ASIC2: variants seen among roughly 807,000 people sequenced by gnomAD.
ASIC2 encodes the protein acid-sensing ion channel 2.
Under a neutral mutation model 57.3 loss-of-function variants are expected in ASIC2, and 25 were observed. That is an observed-to-expected ratio of 0.44 (90% confidence interval 0.32 to 0.61). The LOEUF is 0.61. ASIC2 is among the 20% of genes least tolerant of loss of function. The pLI is 0.06. For missense variants in ASIC2, 641 were observed against 738.1 expected (o/e 0.87, Z 1.52); for synonymous variants, 319 against 307.5 (o/e 1.04, Z -0.39).
chr17:33,964,658 A>G (rs561593337), intron 1 of ASIC2, among the ~76,000 whole-genome samples: 1 of 152,048 alleles, frequency 6.6e-6, no homozygotes, highest in African/African-American at 2.4e-5. Flanking sequence ...GTATCTCCCA[A>G]CCACCACCCC....
chr17:33,937,855 A>G (rs1916102495), intron 1 of ASIC2, among the ~76,000 whole-genome samples: 1 of 152,124 alleles, frequency 6.6e-6, no homozygotes, highest in Non-Finnish European at 1.5e-5. Context: ...AAACTGCCAG[A>G]AGTAGGCTTC....
chr17:33,641,961 C>CTATTTT (rs1906580423), intron 1 of ASIC2, among the ~76,000 whole-genome samples: 2 of 152,044 alleles, frequency 1.3e-5, no homozygotes, highest in Non-Finnish European at 2.9e-5. Flanking sequence ...CTTAATTTTC[C>CTATTTT]TATTTTTTAT....
intron 1 of ASIC2, among the ~76,000 whole-genome samples, chr17:33,252,943 A>G (rs953670054): frequency 1.3e-5 from 2 of 152,162 alleles, no homozygotes; most frequent in African/African-American, 4.8e-5. Flanking sequence ...TTGTGGGTAG[A>G]ACCCAGATCC....
At chr17:33,159,929 C>A (rs536357475) in intron 1 of ASIC2, among the ~76,000 whole-genome samples, 1 of 152,116 alleles carries the variant, frequency 6.6e-6, no homozygotes, top group Non-Finnish European at 1.5e-5. Context: ...CAGTGAAAGG[C>A]TGGGTGCAGT....
chr17:33,330,655 T>C (rs1907275922), intron 1 of ASIC2, among the ~76,000 whole-genome samples: 1 of 152,140 alleles, frequency 6.6e-6, no homozygotes, highest in Admixed American at 6.5e-5. Flanking sequence ...TACTCCTTTT[T>C]CCTATCCTTG....
At chr17:33,479,355 G>T (rs565493313) in intron 1 of ASIC2, among the ~76,000 whole-genome samples, 54 of 152,098 alleles carry the variant, frequency 3.6e-4, no homozygotes, top group Non-Finnish European at 6.9e-4. Context: ...GAGGGAAAGA[G>T]ATTTTTTTTT....
At chr17:33,068,276 G>C (rs1048222403) in intron 3 of ASIC2, among the ~76,000 whole-genome samples, 2 of 152,166 alleles carry the variant, frequency 1.3e-5, no homozygotes, top group African/African-American at 4.8e-5. Flanking sequence ...GGTCACTGTA[G>C]AGGCAACACC....
intron 2 of ASIC2, among the ~76,000 whole-genome samples, chr17:33,093,775 G>A (rs2092166927): frequency 6.6e-6 from 1 of 152,198 alleles, no homozygotes; most frequent in Admixed American, 6.5e-5. Context: ...CAGGGAAAGT[G>A]CATCACGATA....
intron 1 of ASIC2, among the ~76,000 whole-genome samples, chr17:33,578,119 C>T (rs1214941187): frequency 1.3e-5 from 2 of 152,150 alleles, no homozygotes; most frequent in Non-Finnish European, 2.9e-5. Flanking sequence ...ACCTTTGGAA[C>T]CCATTCTACT....
chr17:33,136,148 C>T (rs1320324313), intron 1 of ASIC2, among the ~76,000 whole-genome samples: 3 of 152,158 alleles, frequency 2.0e-5, no homozygotes, highest in Non-Finnish European at 4.4e-5. Context: ...CATACATGTA[C>T]TGGGGGTGTG....
chr17:33,983,559 A>G (rs1340838360), intron 1 of ASIC2, among the ~76,000 whole-genome samples: 1 of 152,168 alleles, frequency 6.6e-6, no homozygotes, highest in East Asian at 1.9e-4. Context: ...GCCTCTTCTC[A>G]GTCTTCTGAG....
intron 1 of ASIC2, among the ~76,000 whole-genome samples, chr17:33,170,009 G>T (rs1188627997): frequency 6.6e-6 from 1 of 152,122 alleles, no homozygotes; most frequent in Non-Finnish European, 1.5e-5. Context: ...CTGTGTCCTT[G>T]CTAGGAAGGC....
intron 1 of ASIC2, among the ~76,000 whole-genome samples, chr17:33,343,497 G>A (rs981952822): frequency 3.3e-5 from 5 of 152,136 alleles, no homozygotes; most frequent in Non-Finnish European, 7.3e-5. Context: ...TTTCGCATGT[G>A]TCCAAATCTT....
intron 1 of ASIC2, among the ~76,000 whole-genome samples, chr17:33,373,992 A>G (rs1040893221): frequency 4.0e-5 from 6 of 149,794 alleles, no homozygotes; most frequent in Non-Finnish European, 7.4e-5. Context: ...TTTATTTTTT[A>G]TTTATTTATT....
intron 1 of ASIC2, among the ~76,000 whole-genome samples, chr17:33,738,862 C>G (rs940756135): frequency 6.6e-6 from 1 of 152,210 alleles, no homozygotes; most frequent in Non-Finnish European, 1.5e-5. Context: ...TTCCTTTTCC[C>G]TAAGGTGAAC....
intron 1 of ASIC2, among the ~76,000 whole-genome samples, chr17:34,105,981 T>C (rs1245531549): frequency 1.3e-5 from 2 of 152,096 alleles, no homozygotes; most frequent in African/African-American, 4.8e-5. Flanking sequence ...ATGCCTCTTA[T>C]AATGTCTTTT....
Position 33,877,715 on chromosome 17 carries a change from C to T in ASIC2, c.555+278263G>A, listed in dbSNP as rs532544118. 7.2e-5 allele frequency among the ~76,000 whole-genome samples: 11 copies of T among 152,354 alleles called. No homozygotes were observed. The South Asian group carries it at 1.9e-3, about 26-fold the overall frequency. ...CAGCCAAACAAAAGGCAGCAGAAAC[C>T]TCTGCAGACTTAAATGTCCCTGTAT... On this transcript the variant is annotated intron_variant, in intron 1 of 9. Transcript: ENST00000359872.
In ASIC2 at chr17:33,832,192, A is replaced by C. The variant is rs796729737; in HGVS notation, c.555+323786T>G. Among the ~76,000 whole-genome samples the C allele has an allele frequency of 4.6e-5, 7 of 152,370 alleles. 1 individual carries two copies. Among genetic ancestry groups the C allele is most frequent in the African/African-American group, 1.4e-4 (6 of 41,586 alleles). On this transcript the variant is annotated intron_variant, in intron 1 of 9. Coordinates refer to the ASIC2 transcript ENST00000359872. ...GCCTTTTATTCTCCCTCAATGTAGA[A>C]ATAACGTAGTTAAGTGTTGGCCTAG...
At chr17:33,365,964 C>A (rs1272817091) in intron 1 of ASIC2, among the ~76,000 whole-genome samples, 1 of 152,184 alleles carries the variant, frequency 6.6e-6, no homozygotes, top group Non-Finnish European at 1.5e-5. Context: ...ACCACAGATA[C>A]AGTTCAGGTT....
Sources: gnomAD v4.1 joint callset for allele counts (sites outside exome capture counted in the v4.1 genomes callset) on GRCh38, gnomAD v4.1.1 for gene constraint, MANE v1.5 for transcripts, NCBI Gene and HGNC (gene_info 2026-07-23, HGNC 2026-07-21) for gene names.